The following DEPTOR variants were observed in gnomAD, a reference collection of about 807,000 sequenced individuals.
DEPTOR encodes the protein DEP domain-containing mTOR-interacting protein.
DEPTOR carries 41 observed loss-of-function variants against 41.6 expected under a neutral mutation model. The observed-to-expected ratio is 0.98, with a 90% CI of 0.77 to 1.28. The LOEUF (loss-of-function observed/expected upper bound fraction) is 1.28. Among genes scored for constraint, DEPTOR ranks in the 50% most tolerant of loss-of-function variants. The pLI is 0.00. For missense variants in DEPTOR, 514 were observed against 527.9 expected, an observed-to-expected ratio of 0.97 and a Z score of 0.26; for synonymous variants, 195 against 192.3, an observed-to-expected ratio of 1.01 and a Z score of -0.12.
At chr8:119,938,356 AT>A (rs969317590) in intron 3 of DEPTOR, among the ~76,000 whole-genome samples, 19 of 152,236 alleles carry the variant, frequency 1.2e-4, no homozygotes, top group Admixed American at 2.0e-4. Flanking sequence ...GCCTATGCTA[AT>A]TTTAAAGGGC....
rs143382933 is a variant in DEPTOR, at chr8:119,928,493, G to C, written c.216G>C (p.Trp72Cys). The C allele has an allele frequency of 4.1e-4, 658 of 1,614,014 alleles. No homozygotes were observed. The highest frequency in any genetic ancestry group is 5.2e-4 in the Non-Finnish European group (608 of 1,180,020). Residue 72 changes from tryptophan to cysteine, a missense_variant, in exon 2 of 9, where the codon TGG becomes TGC. Physicochemically the swap from Trp to Cys is radical, Grantham distance 215. Transcript: ENST00000286234. ...TTGTCGCAAAAGAACTGATTGACTG[G>C]CTGATTGAACACAAAGAGGCTTCTG... ...NCFVAKELID[W>C]LIEHKEASDR...
intron 1 of DEPTOR, among the ~76,000 whole-genome samples, chr8:119,898,806 A>G (rs7823167): frequency 0.22 from 32,676 of 151,944 alleles, 4,029 homozygotes; most frequent in African/African-American, 0.32. Flanking sequence ...TAAATACTTC[A>G]CTTAAATAGT....
chr8:119,916,266 ATTTTTTTTTTTTTTTTTTTT>A (rs71304925), intron 1 of DEPTOR, among the ~76,000 whole-genome samples: 24 of 123,312 alleles, frequency 1.9e-4, no homozygotes, highest in Non-Finnish European at 3.0e-4. Context: ...GGCTAGGCTA[ATTTTTTTTTTTTTTTTTTTT>A]TTTTTTTTTT....
intron 8 of DEPTOR, among the ~76,000 whole-genome samples, chr8:120,010,185 A>G: frequency 6.6e-6 from 1 of 152,158 alleles, no homozygotes; most frequent in African/African-American, 2.4e-5. Context: ...CAATCATACT[A>G]TTTCCCGTTG....
At position 119,918,604 on chromosome 8, in the gene DEPTOR, G is replaced by C. The variant is rs910225431; in HGVS notation, c.123-9796G>C. Among the ~76,000 whole-genome samples, 8 of 152,232 alleles carry C rather than the reference G, an allele frequency of 5.3e-5. No individual in the cohort carries two copies. The South Asian group carries it at 6.2e-4, about 12-fold the overall frequency. ...GCCTCCCGAGTAGCTGGGACTACAG[G>C]CACGTGCCACCATGCCCAGCTAATT... On this transcript the variant is annotated intron_variant, in intron 1 of 8. Transcript: ENST00000286234.
chr8:119,877,511 A>G (rs916737370), intron 1 of DEPTOR, among the ~76,000 whole-genome samples: 19 of 152,158 alleles, frequency 1.2e-4, no homozygotes, highest in Non-Finnish European at 1.5e-4. Flanking sequence ...TGCAATGTCC[A>G]GGCCTCCTGC....
chr8:119,954,553 G>T (rs1324236263), intron 3 of DEPTOR, among the ~76,000 whole-genome samples: 4 of 152,088 alleles, frequency 2.6e-5, no homozygotes, highest in Non-Finnish European at 4.4e-5. Context: ...AGGCCATTTT[G>T]TCTCCCTCCC....
intron 1 of DEPTOR, among the ~76,000 whole-genome samples, chr8:119,895,912 G>C (rs1827514608): frequency 6.6e-6 from 1 of 152,100 alleles, no homozygotes; most frequent in Non-Finnish European, 1.5e-5. Context: ...TATCTTATTA[G>C]ATAAGGATGT....
chr8:119,993,994 T>A (rs964066131), intron 4 of DEPTOR, among the ~76,000 whole-genome samples: 2 of 151,880 alleles, frequency 1.3e-5, no homozygotes, highest in African/African-American at 4.8e-5. Context: ...CCATCTCTAC[T>A]AAAAATACAA....
intron 8 of DEPTOR, among the ~76,000 whole-genome samples, chr8:120,014,948 A>G (rs568700059): frequency 6.6e-6 from 1 of 151,892 alleles, no homozygotes; most frequent in South Asian, 2.1e-4. Flanking sequence ...CCATTTCTGG[A>G]CAATACTATC....
chr8:119,882,813 G>A (rs1827315362), intron 1 of DEPTOR, among the ~76,000 whole-genome samples: 1 of 152,098 alleles, frequency 6.6e-6, no homozygotes, highest in East Asian at 1.9e-4. Flanking sequence ...AATGACAAAG[G>A]AAAGAACAAT....
intron 3 of DEPTOR, among the ~76,000 whole-genome samples, chr8:119,938,555 C>A (rs547841191): frequency 6.6e-6 from 1 of 152,002 alleles, no homozygotes; most frequent in Non-Finnish European, 1.5e-5. Context: ...CTCTGTTGCC[C>A]GGGCTGGAGT....
intron 8 of DEPTOR, among the ~76,000 whole-genome samples, chr8:120,013,605 A>G (rs898793547): frequency 1.3e-5 from 2 of 152,110 alleles, no homozygotes; most frequent in African/African-American, 4.8e-5. Flanking sequence ...GCTAGGTCTG[A>G]GTGGTGGAAA....
At chr8:119,889,863 G>GA (rs142666723) in intron 1 of DEPTOR, among the ~76,000 whole-genome samples, 2,844 of 152,218 alleles carry the variant, frequency 0.019, 87 homozygotes, top group African/African-American at 0.064. Context: ...ACAGTATGAA[G>GA]TCTTCTCATG....
At chr8:119,908,725 C>G (rs1354875053) in intron 1 of DEPTOR, among the ~76,000 whole-genome samples, 1 of 152,086 alleles carries the variant, frequency 6.6e-6, no homozygotes, top group East Asian at 1.9e-4. Flanking sequence ...GCTTGCAGCT[C>G]TTTTCTTAAA....
At chr8:119,880,005 G>C (rs184893299) in intron 1 of DEPTOR, among the ~76,000 whole-genome samples, 1 of 151,782 alleles carries the variant, frequency 6.6e-6, no homozygotes, top group Non-Finnish European at 1.5e-5. Context: ...AGCTGGGCAC[G>C]GTGGCAGGCA....
At chr8:119,890,723 A>G (rs1006334283) in intron 1 of DEPTOR, among the ~76,000 whole-genome samples, 1 of 152,168 alleles carries the variant, frequency 6.6e-6, no homozygotes, top group African/African-American at 2.4e-5. Flanking sequence ...TTCTTACAAT[A>G]ATTTTATTAT....
At chr8:119,991,080 TTCTTTCTTTTTCTTTCTTTC>T (rs1256977727) in intron 4 of DEPTOR, among the ~76,000 whole-genome samples, 17 of 75,816 alleles carry the variant, frequency 2.2e-4, no homozygotes, top group African/African-American at 8.3e-4. Flanking sequence ...CTTTCTTTCT[TTCTTTCTTTTTCTTTCTTTC>T]TTTCTTTCTT....
intron 1 of DEPTOR, among the ~76,000 whole-genome samples, chr8:119,879,588 T>A (rs2129668606): frequency 6.6e-6 from 1 of 151,546 alleles, no homozygotes; most frequent in South Asian, 2.1e-4. Flanking sequence ...GGTACATGCC[T>A]ATAGTCCCAT....
Sources: allele counts gnomAD v4.1 joint callset (sites outside exome capture counted in the v4.1 genomes callset), GRCh38; gene constraint gnomAD v4.1.1; transcripts MANE v1.5; gene names NCBI Gene and HGNC (gene_info 2026-07-23, HGNC 2026-07-21).